LDB2: variants seen among roughly 807,000 people sequenced by gnomAD.
The protein encoded by LDB2 is LIM domain binding 2.
A neutral mutation model predicts 44.3 loss-of-function variants in LDB2; 12 were observed. That is an observed-to-expected ratio of 0.27 (90% CI 0.17 to 0.44). The LOEUF (loss-of-function observed/expected upper bound fraction) is 0.44, where lower values mean the gene tolerates loss of function less well. LDB2 is among the 20% of genes least tolerant of loss of function. The pLI is 1.00. For missense variants in LDB2, 344 were observed against 473.5 expected (o/e 0.73, Z 2.54); for synonymous variants, 164 against 174.8 (o/e 0.94, Z 0.49).
chr4:16,693,312 G>A lies in LDB2; in HGVS notation c.235+65846C>T, dbSNP rs573629199. On this transcript the variant is annotated intron_variant, in intron 2 of 7. Coordinates refer to ENST00000304523, the MANE Select transcript of LDB2 (RefSeq NM_001290.5). ...AATCTTCTGACAGGGTTATGCCCTTGAACTATGGGCTACTTGTTCCCTAGA... is the reference window on the plus strand; with the variant it reads ...AATCTTCTGACAGGGTTATGCCCTTAAACTATGGGCTACTTGTTCCCTAGA... 2.2e-4 allele frequency among the ~76,000 whole-genome samples: 33 copies of A among 149,606 alleles called. No homozygotes were observed. In the South Asian group the frequency reaches 5.3e-3, roughly 24 times the overall value.
intron 2 of LDB2, among the ~76,000 whole-genome samples, chr4:16,694,193 A>T (rs1044443667): frequency 6.6e-6 from 1 of 152,236 alleles, no homozygotes; most frequent in Non-Finnish European, 1.5e-5. Flanking sequence ...CACATTCGGG[A>T]TAACTTACTG....
At chr4:16,540,071 G>A (rs1345627113) in intron 5 of LDB2, among the ~76,000 whole-genome samples, 1 of 152,174 alleles carries the variant, frequency 6.6e-6, no homozygotes, top group Non-Finnish European at 1.5e-5. Context: ...AGCAGGAGTG[G>A]TGGGGGAGAT....
At chr4:16,518,080 G>A (rs540237858) in intron 5 of LDB2, among the ~76,000 whole-genome samples, 96 of 152,338 alleles carry the variant, frequency 6.3e-4, no homozygotes, top group African/African-American at 2.2e-3. Context: ...CAATGCATAT[G>A]TATGTCCTGG....
chr4:16,545,171 A>C (rs1168679717), intron 5 of LDB2, among the ~76,000 whole-genome samples: 11 of 133,820 alleles, frequency 8.2e-5, no homozygotes, highest in African/African-American at 1.4e-4. Context: ...CTTCCTCCTT[A>C]CTTCCCTCCC....
intron 1 of LDB2, among the ~76,000 whole-genome samples, chr4:16,869,813 C>T (rs1250411766): frequency 2.6e-5 from 4 of 152,176 alleles, no homozygotes. Context: ...TTTTTGGTCG[C>T]CTTCCATCTT....
intron 5 of LDB2, among the ~76,000 whole-genome samples, chr4:16,557,333 C>T (rs1310475276): frequency 6.6e-6 from 1 of 152,122 alleles, no homozygotes; most frequent in African/African-American, 2.4e-5. Context: ...CAGATGGCAC[C>T]TGGAAAATCG....
chr4:16,830,390 C>T (rs757494301), intron 1 of LDB2, among the ~76,000 whole-genome samples: 2 of 152,182 alleles, frequency 1.3e-5, no homozygotes, highest in African/African-American at 2.4e-5. Flanking sequence ...CCTATTATTC[C>T]TTCTGTGGTG....
At chr4:16,540,994 TAAGG>T (rs1414866305) in intron 5 of LDB2, among the ~76,000 whole-genome samples, 1 of 152,214 alleles carries the variant, frequency 6.6e-6, no homozygotes, top group Non-Finnish European at 1.5e-5. Context: ...ATTAGTAGTA[TAAGG>T]ATTGATTACA....
intron 2 of LDB2, among the ~76,000 whole-genome samples, chr4:16,671,241 G>A (rs908564290): frequency 2.6e-5 from 4 of 152,050 alleles, no homozygotes; most frequent in Admixed American, 1.3e-4. Flanking sequence ...TGTGAGCATC[G>A]TTCGTCAAGT....
At chr4:16,507,697 G>A (rs867395112) in intron 7 of LDB2, among the ~76,000 whole-genome samples, 1 of 152,142 alleles carries the variant, frequency 6.6e-6, no homozygotes, top group African/African-American at 2.4e-5. Context: ...TGATAGGGTG[G>A]TATGACAGGG....
chr4:16,741,672 T>C, intron 2 of LDB2: 1 of 152,202 alleles, frequency 6.6e-6, no homozygotes, highest in East Asian at 1.9e-4. Flanking sequence ...ATTTTTTTCA[T>C]CCTTTATTAT....
chr4:16,638,084 C>T (rs1327287304), intron 2 of LDB2, among the ~76,000 whole-genome samples: 2 of 152,174 alleles, frequency 1.3e-5, no homozygotes, highest in Non-Finnish European at 2.9e-5. Context: ...AAAATGCTTA[C>T]TAGAGTAGTC....
intron 1 of LDB2, among the ~76,000 whole-genome samples, chr4:16,897,973 T>TATAC (rs1561575717): frequency 2.4e-5 from 2 of 84,556 alleles, no homozygotes; most frequent in African/African-American, 4.1e-5. Context: ...TATATATATA[T>TATAC]ACACATATGT....
intron 7 of LDB2, among the ~76,000 whole-genome samples, chr4:16,508,108 T>C (rs1720274403): frequency 7.9e-6 from 1 of 127,262 alleles, no homozygotes; most frequent in Non-Finnish European, 1.8e-5. Flanking sequence ...GACGCCCATG[T>C]TGGGAAGGCC....
chr4:16,567,436 A>G (rs892694815), intron 5 of LDB2, among the ~76,000 whole-genome samples: 4 of 152,012 alleles, frequency 2.6e-5, no homozygotes, highest in African/African-American at 9.7e-5. Flanking sequence ...TTAAAGCAAT[A>G]TATGCTTGTA....
intron 2 of LDB2, among the ~76,000 whole-genome samples, chr4:16,691,667 T>C (rs747901848): frequency 1.3e-5 from 2 of 152,198 alleles, no homozygotes; most frequent in African/African-American, 4.8e-5. Flanking sequence ...CTTGGACTAT[T>C]AGCTTTGGCA....
In LDB2 at chr4:16,888,713, G is replaced by A. The variant is rs558422471; in HGVS notation, c.132+9641C>T. On this transcript the variant is annotated intron_variant, in intron 1 of 7. Coordinates refer to ENST00000304523, the MANE Select transcript of LDB2 (RefSeq NM_001290.5). ...TGATAGAATCCAGAATAAGTGTATC[G>A]TCGTCATCGTCGTCATCATCATCAT... is the stretch of plus-strand genomic sequence containing the variant. 1.2e-4 allele frequency: 122 copies of A among 984,302 alleles called. No homozygotes were observed. In the Middle Eastern group the frequency reaches 1.6e-3, roughly 13 times the overall value. 61.0% of individuals were successfully genotyped at this position (984,302 alleles called of 1,614,324 possible). A position where few individuals can be genotyped will look rare whatever the true frequency, so the allele number is the denominator to read the frequency against.
intron 5 of LDB2, 157 bp from the exon 6 acceptor site, chr4:16,512,261 C>A: frequency 1.5e-6 from 1 of 680,638 alleles, no homozygotes. Context: ...ATAAATATTA[C>A]AAAAACTTGA....
chr4:16,631,110 C>A (rs1358541992), intron 2 of LDB2, among the ~76,000 whole-genome samples: 1 of 152,130 alleles, frequency 6.6e-6, no homozygotes, highest in Non-Finnish European at 1.5e-5. Context: ...GAATTCTCCA[C>A]CCCAAATCAA....
Sources: gnomAD v4.1 joint callset for allele counts (sites outside exome capture counted in the v4.1 genomes callset) on GRCh38, gnomAD v4.1.1 for gene constraint, MANE v1.5 for transcripts, NCBI Gene and HGNC (gene_info 2026-07-23, HGNC 2026-07-21) for gene names.